DCC: variants seen among roughly 807,000 people sequenced by gnomAD.
The protein encoded by DCC is netrin receptor DCC.
In DCC, 58 loss-of-function variants were observed where a neutral mutation model predicts 172.5. That is an observed-to-expected ratio of 0.34 (90% confidence interval 0.27 to 0.42). DCC has a LOEUF of 0.42. Ranked by LOEUF, DCC falls within the 10% of genes least tolerant of loss-of-function variation. The pLI is 1.00. For synonymous variants in DCC, 709 were observed against 644.5 expected (o/e 1.10, Z -1.52); for missense variants, 1,740 against 1,791.0 (o/e 0.97, Z 0.51).
chr18:52,596,009 G>A (rs897026714), intron 1 of DCC, among the ~76,000 whole-genome samples: 4 of 152,140 alleles, frequency 2.6e-5, no homozygotes, highest in Non-Finnish European at 5.9e-5. Flanking sequence ...CCATATTCAG[G>A]CACTTTAAAA....
chr18:53,147,943 A>G (rs765009241), intron 7 of DCC, among the ~76,000 whole-genome samples: 4 of 152,228 alleles, frequency 2.6e-5, no homozygotes, highest in African/African-American at 4.8e-5. Context: ...AATGACCTAC[A>G]TTACTAAAGA....
At chr18:52,446,738 T>A (rs898246359) in intron 1 of DCC, among the ~76,000 whole-genome samples, 5 of 152,134 alleles carry the variant, frequency 3.3e-5, no homozygotes, top group African/African-American at 1.2e-4. Flanking sequence ...GAGTTATTTT[T>A]GTGTGTGTGT....
intron 28 of DCC, among the ~76,000 whole-genome samples, chr18:53,529,038 T>TCTCTCTCTCTCA (rs1203799842): frequency 3.1e-5 from 2 of 65,266 alleles, no homozygotes; most frequent in African/African-American, 5.8e-5. Flanking sequence ...TCTCTCTCTC[T>TCTCTCTCTCTCA]CACACACACA....
At position 53,196,095 on chromosome 18, in the gene DCC, T is replaced by G. The variant is rs772909462; in HGVS notation, c.1574-9121T>G. On this transcript the variant is annotated intron_variant, in intron 9 of 28. Transcript: ENST00000442544. Reference sequence around the variant, plus strand: ...TACCGTGGAATTATTTTTAAGTCAGTGTGATTAGGTGTATATGACATCAAG... The same window carrying G: ...TACCGTGGAATTATTTTTAAGTCAGGGTGATTAGGTGTATATGACATCAAG... Among the ~76,000 whole-genome samples, 81 of 152,208 alleles carry G rather than the reference T, an allele frequency of 5.3e-4. 3 individuals are homozygous for G. The highest frequency in any genetic ancestry group is 7.4e-5 in the Non-Finnish European group (5 of 68,018).
chr18:52,599,040 G>A (rs1000883570), intron 1 of DCC, among the ~76,000 whole-genome samples: 1 of 152,170 alleles, frequency 6.6e-6, no homozygotes, highest in African/African-American at 2.4e-5. Context: ...CAACACTGTT[G>A]CATTGGGGAT....
chr18:52,955,014 A>C (rs1000181378), intron 5 of DCC, among the ~76,000 whole-genome samples: 1 of 152,150 alleles, frequency 6.6e-6, no homozygotes, highest in African/African-American at 2.4e-5. Context: ...CCCACGCCTC[A>C]ATGATGCATT....
intron 12 of DCC, among the ~76,000 whole-genome samples, chr18:53,252,990 T>C (rs2056457504): frequency 6.6e-6 from 1 of 152,052 alleles, no homozygotes; most frequent in Admixed American, 6.6e-5. Context: ...GGATTAGCAC[T>C]TATATTTCCT....
chr18:52,540,518 A>C (rs2032407941), intron 1 of DCC, among the ~76,000 whole-genome samples: 1 of 151,450 alleles, frequency 6.6e-6, no homozygotes, highest in African/African-American at 2.4e-5. Flanking sequence ...GTGGCATCAA[A>C]GCATTTGATA....
At chr18:53,486,773 C>G (rs757557630) in intron 25 of DCC, 24 bp from the exon 26 acceptor site, 1 of 1,613,990 alleles carries the variant, frequency 6.2e-7, no homozygotes, top group Non-Finnish European at 8.5e-7. Flanking sequence ...GTTCAAAAAA[C>G]CCATTAACCT....
chr18:53,014,433 TCCCCC>T (rs2041777229), intron 5 of DCC, among the ~76,000 whole-genome samples: 1 of 36,800 alleles, frequency 2.7e-5, no homozygotes, highest in Non-Finnish European at 5.3e-5. Context: ...CCCTCCCCCC[TCCCCC>T]CTCCCCCCAC....
chr18:53,527,041 C>G, intron 28 of DCC: 1 of 423,698 alleles, frequency 2.4e-6, no homozygotes, highest in Middle Eastern at 7.2e-4. Context: ...GGTTTTACAC[C>G]CATATATGTA....
intron 1 of DCC, among the ~76,000 whole-genome samples, chr18:52,657,313 T>C (rs1242088854): frequency 6.6e-6 from 1 of 152,206 alleles, no homozygotes; most frequent in East Asian, 1.9e-4. Flanking sequence ...GGATTGCTGA[T>C]GGAAATTGTG....
intron 1 of DCC, among the ~76,000 whole-genome samples, chr18:52,551,753 C>CACAT (rs1316712091): frequency 6.8e-6 from 1 of 146,342 alleles, no homozygotes; most frequent in African/African-American, 2.6e-5. Context: ...CACACACACA[C>CACAT]ACACACACAC....
intron 13 of DCC, among the ~76,000 whole-genome samples, chr18:53,312,340 CAAAAAAAAAAAA>C (rs1218591102): frequency 5.7e-5 from 1 of 17,536 alleles, no homozygotes; most frequent in Non-Finnish European, 1.2e-4. Context: ...GACTCTGTCT[CAAAAAAAAAAAA>C]AAAAAAAAAA....
chr18:53,488,717 T>G (rs1322042974), intron 26 of DCC, among the ~76,000 whole-genome samples: 1 of 152,190 alleles, frequency 6.6e-6, no homozygotes, highest in Non-Finnish European at 1.5e-5. Flanking sequence ...TGTTTTTATC[T>G]GTGGTTAAAA....
intron 7 of DCC, among the ~76,000 whole-genome samples, chr18:53,134,610 T>C (rs1292042520): frequency 6.6e-6 from 1 of 152,140 alleles, no homozygotes; most frequent in East Asian, 1.9e-4. Context: ...AGTTGGTAGG[T>C]CAAAACCCAA....
intron 2 of DCC, among the ~76,000 whole-genome samples, chr18:52,862,289 A>T (rs2039155537): frequency 6.6e-6 from 1 of 152,230 alleles, no homozygotes; most frequent in Admixed American, 6.5e-5. Context: ...AAGTTCGTCA[A>T]ATATCAAAGG....
At chr18:52,821,320 A>T (rs1386745194) in intron 2 of DCC, among the ~76,000 whole-genome samples, 1 of 152,080 alleles carries the variant, frequency 6.6e-6, no homozygotes, top group Non-Finnish European at 1.5e-5. Flanking sequence ...ACCGAGGTGT[A>T]TTCCTCTCTT....
intron 2 of DCC, among the ~76,000 whole-genome samples, chr18:52,808,743 C>A (rs968774287): frequency 8.5e-5 from 13 of 152,150 alleles, no homozygotes; most frequent in Non-Finnish European, 7.3e-5. Flanking sequence ...ATGATTGATT[C>A]TGCTGGGTAA....
Sources: allele counts gnomAD v4.1 joint callset (sites outside exome capture counted in the v4.1 genomes callset), GRCh38; gene constraint gnomAD v4.1.1; transcripts MANE v1.5; gene names NCBI Gene and HGNC (gene_info 2026-07-23, HGNC 2026-07-21).